Variants in MTCL1 observed in about 807,000 individuals in gnomAD.
MTCL1 encodes microtubule crosslinking factor 1, also known as microtubule cross-linking factor 1.
In MTCL1, 79 loss-of-function variants were observed where a neutral mutation model predicts 141.4. That is an observed-to-expected ratio of 0.56 (90% confidence interval 0.47 to 0.67). The LOEUF (loss-of-function observed/expected upper bound fraction) is 0.67, where lower values mean the gene tolerates loss of function less well. Ranked by LOEUF, MTCL1 falls within the 30% of genes least tolerant of loss-of-function variation. The pLI, the probability that MTCL1 is intolerant of heterozygous loss-of-function variation, is 0.00. For synonymous variants in MTCL1, 914 were observed against 875.8 expected (o/e 1.04, Z -0.77); for missense variants, 2,177 against 2,113.9 (o/e 1.03, Z -0.59).
Position 8,783,590 on chromosome 18 carries a change from C to T in MTCL1, c.478C>T (p.Arg160Cys), listed in dbSNP as rs369827156. 4.3e-5 allele frequency: 70 copies of T among 1,613,164 alleles called. No individual in the cohort carries two copies. The highest frequency in any genetic ancestry group is 1.7e-4 in the Middle Eastern group (1 of 6,034). ...TGCCAAAGAGGAAGCCTTCCTGATG[C>T]GCAAAAAGATGGCCAAGCTAGGAAG... Residue 160 changes from arginine (R) to cysteine (C), a missense_variant, in exon 6 of 17, where the codon CGC (arginine) becomes TGC (cysteine). Transcript: ENST00000359865.
In MTCL1 at chr18:8,705,924, G is replaced by C; in HGVS notation, c.264G>C (p.Pro88=). 1 of 1,086,272 alleles carries C rather than the reference G, an allele frequency of 9.2e-7. No individual in the cohort carries two copies. The highest frequency in any genetic ancestry group is 1.1e-6 in the Non-Finnish European group (1 of 897,000). The allele number at this position is 1,086,272 out of a possible 1,614,324, so 67.3% of individuals were successfully genotyped here. ...TCGCGGGCAAAGCGCCGCCCTCGCC[G>C]GGGTCCCTGGCCGCGCCCGGCCGCC... Residue 88 remains proline (P), a synonymous_variant, in exon 1 of 14, where the codon CCG becomes CCC. Transcript: ENST00000306329. The surrounding 1 kb of genome is among the most constrained non-coding windows in gnomAD (Gnocchi z 5.2).
At chr18:8,763,307 G>T (rs908975037) in intron 4 of MTCL1, among the ~76,000 whole-genome samples, 1 of 152,238 alleles carries the variant, frequency 6.6e-6, no homozygotes, top group Non-Finnish European at 1.5e-5. Flanking sequence ...CAGGAATGAG[G>T]CCTGCTGGCT....
intron 4 of MTCL1, among the ~76,000 whole-genome samples, chr18:8,775,408 T>TAAAAAAAAAAAAAAAAAAAAAAAAAAAAA (rs780102071): frequency 1.1e-5 from 1 of 92,986 alleles, no homozygotes; most frequent in African/African-American, 4.1e-5. Context: ...TCGTCTCTAC[T>TAAAAAAAAAAAAAAAAAAAAAAAAAAAAA]AAAAAAAAAA....
chr18:8,784,520 C>A, exon 6 of MTCL1: 2 of 1,601,966 alleles, frequency 1.2e-6, no homozygotes, highest in Non-Finnish European at 8.5e-7. Context: ...GACGGTGGAG[C>A]GCCTCATCAC....
intron 10 of MTCL1, among the ~76,000 whole-genome samples, chr18:8,799,988 C>T (rs561546690): frequency 6.6e-6 from 1 of 152,298 alleles, no homozygotes; most frequent in African/African-American, 2.4e-5. Flanking sequence ...AAGCACGTGG[C>T]GGGGTGGGGT....
At chr18:8,784,648 G>A in exon 6 of MTCL1, 1 of 1,613,930 alleles carries the variant, frequency 6.2e-7, no homozygotes, top group Non-Finnish European at 8.5e-7. Flanking sequence ...CCCAGCTGCT[G>A]GGGACCATCA....
chr18:8,750,987 T>C (rs1343306433), intron 4 of MTCL1, among the ~76,000 whole-genome samples: 3 of 152,026 alleles, frequency 2.0e-5, no homozygotes, highest in Admixed American at 1.3e-4. Context: ...GTGTGCACCG[T>C]GGCCAGGCCC....
chr18:8,817,647 A>G (rs974747334), intron 12 of MTCL1, among the ~76,000 whole-genome samples: 1 of 152,252 alleles, frequency 6.6e-6, no homozygotes, highest in African/African-American at 2.4e-5. Flanking sequence ...TGCTTAAAAA[A>G]AAATGAATTG....
chr18:8,776,595 G>A (rs1215000689), intron 4 of MTCL1, among the ~76,000 whole-genome samples: 1 of 152,206 alleles, frequency 6.6e-6, no homozygotes, highest in East Asian at 1.9e-4. Flanking sequence ...CTTTAAGATA[G>A]AGGTTTAGCC....
intron 4 of MTCL1, among the ~76,000 whole-genome samples, chr18:8,748,210 C>T (rs972164576): frequency 1.4e-4 from 21 of 152,152 alleles, no homozygotes; most frequent in African/African-American, 4.8e-4. Context: ...ACCCCTGCCC[C>T]CATCCCTCCC....
exon 1 of MTCL1, chr18:8,706,360 G>A: frequency 8.1e-7 from 1 of 1,230,328 alleles, no homozygotes; most frequent in South Asian, 4.1e-5. Flanking sequence ...CAGCAGCGAC[G>A]CCGAATCCGG....
chr18:8,772,781 A>T (rs558174911), intron 4 of MTCL1, among the ~76,000 whole-genome samples: 3 of 151,986 alleles, frequency 2.0e-5, no homozygotes, highest in African/African-American at 7.2e-5. Context: ...AGCATTTCCT[A>T]TATCCTTAAA....
rs192399942 is a variant in MTCL1 at position 8,725,947 on chromosome 18, G to A, written c.357+5451G>A. ...TGGGACTACAGGCACCCGCCACCAC[G>A]CCCGGCTAATTTTTTTTGCATATTT... is the stretch of plus-strand genomic sequence containing the variant. On this transcript the variant is annotated intron_variant, in intron 4 of 16. Coordinates refer to ENST00000359865, the Ensembl canonical transcript of MTCL1. 1.7e-3 allele frequency among the ~76,000 whole-genome samples: 253 copies of A among 151,688 alleles called. 2 individuals are homozygous for A. Among genetic ancestry groups the A allele is most frequent in the African/African-American group, 5.7e-3 (234 of 41,390 alleles).
rs1598465095 is a variant in MTCL1 at position 8,745,266 on chromosome 18, TC to T, written c.357+24775del. ...TGGTTGCCAGATCCAAGTATGTCTG[TC>T]CCCCATTAATGGTGTTAATTTTTTT... On this transcript the variant is annotated intron_variant, in intron 4 of 16. Coordinates refer to ENST00000359865, the Ensembl canonical transcript of MTCL1. Among the ~76,000 whole-genome samples the T allele has an allele frequency of 2.0e-5, 3 of 152,358 alleles. No individual in the cohort carries two copies. The East Asian group carries it at 5.8e-4, about 29-fold the overall frequency.
At chr18:8,785,011 C>CT (rs2096546586) in intron 6 of MTCL1, among the ~76,000 whole-genome samples, 168 bp downstream of exon 5, 2 of 125,912 alleles carry the variant, frequency 1.6e-5, no homozygotes, top group African/African-American at 2.8e-5. Flanking sequence ...GGTTGGGCTC[C>CT]GTTTTTTTTG....
At chr18:8,711,516 AG>A (rs1249552351) in intron 1 of MTCL1, among the ~76,000 whole-genome samples, 1 of 142,522 alleles carries the variant, frequency 7.0e-6, no homozygotes, top group Non-Finnish European at 1.5e-5. Context: ...ACAGTGTAAA[AG>A]TGTTCCTATT....
intron 4 of MTCL1, among the ~76,000 whole-genome samples, chr18:8,756,218 C>G (rs920183041): frequency 2.0e-5 from 3 of 152,116 alleles, no homozygotes; most frequent in African/African-American, 4.8e-5. Context: ...TTCTGGAGGT[C>G]GTCAGACCAT....
At chr18:8,760,696 G>A (rs955574514) in intron 4 of MTCL1, among the ~76,000 whole-genome samples, 7 of 151,610 alleles carry the variant, frequency 4.6e-5, no homozygotes, top group South Asian at 2.1e-4. Flanking sequence ...GTAAGAAACC[G>A]TGTGTGTGTG....
chr18:8,786,588 C>T (rs1426331107), intron 7 of MTCL1: 5 of 350,054 alleles, frequency 1.4e-5, no homozygotes, highest in Non-Finnish European at 2.3e-5. Flanking sequence ...CCTGTGGGCA[C>T]CCCTAGCAGT....
Sources: allele counts gnomAD v4.1 joint callset (sites outside exome capture counted in the v4.1 genomes callset), GRCh38; gene constraint gnomAD v4.1.1; non-coding constraint Gnocchi (gnomAD v3.1); transcripts MANE v1.5; gene names NCBI Gene and HGNC (gene_info 2026-07-23, HGNC 2026-07-21).